The following AIG1 variants were observed in gnomAD, a reference collection of about 807,000 sequenced individuals.
AIG1 encodes the protein androgen induced 1, also known as androgen-induced gene 1 protein.
A neutral mutation model predicts 31.4 loss-of-function variants in AIG1; 23 were observed. The ratio of observed to expected loss-of-function variants is 0.73; its 90% CI spans 0.53 to 1.04. The LOEUF is 1.04. Among genes scored for constraint, AIG1 ranks in the 50% least tolerant of loss-of-function variants. The pLI is 0.00. For synonymous variants in AIG1, 100 were observed against 110.5 expected (o/e 0.90, Z 0.60); for missense variants, 274 against 295.0 (o/e 0.93, Z 0.52).
chr6:143,319,755 A>G (rs1319540105), intron 4 of AIG1, among the ~76,000 whole-genome samples: 1 of 152,214 alleles, frequency 6.6e-6, no homozygotes, highest in East Asian at 1.9e-4. Flanking sequence ...AATAAATAAA[A>G]TCAGACATCA....
chr6:143,254,032 C>T (rs891197938), intron 3 of AIG1, among the ~76,000 whole-genome samples: 1 of 152,134 alleles, frequency 6.6e-6, no homozygotes, highest in African/African-American at 2.4e-5. Context: ...TCCCACGGAC[C>T]GTTTCCTCTT....
Position 143,333,213 on chromosome 6 carries a change from A to C in AIG1, c.516-69A>C. On this transcript the variant is annotated intron_variant, in intron 4 of 5. Transcript: ENST00000357847. The surrounding 1 kb of genome is among the most constrained non-coding windows in gnomAD (Gnocchi z 4.6). ...GGAGAGTGAGGGAGTGTATATTTGC[A>C]TCATAGCAGCTTTGATGCCTGCCAT... 6.9e-7 allele frequency: 1 copy of C among 1,449,586 alleles called. No homozygotes were observed. The highest frequency in any genetic ancestry group is 9.2e-7 in the Non-Finnish European group (1 of 1,087,750). 89.8% of individuals were successfully genotyped at this position (1,449,586 alleles called of 1,614,324 possible).
At chr6:143,215,758 G>T (rs992050005) in intron 3 of AIG1, among the ~76,000 whole-genome samples, 3 of 152,126 alleles carry the variant, frequency 2.0e-5, no homozygotes, top group African/African-American at 7.2e-5. Flanking sequence ...TATTAATCCT[G>T]TAGTCCCAGC....
intron 3 of AIG1, among the ~76,000 whole-genome samples, chr6:143,212,069 A>G (rs935732770): frequency 2.6e-5 from 4 of 152,156 alleles, no homozygotes; most frequent in African/African-American, 9.7e-5. Context: ...TGTGCATTGT[A>G]GAATGTTTAG....
At chr6:143,250,661 G>A (rs1178194722) in intron 3 of AIG1, among the ~76,000 whole-genome samples, 1 of 152,090 alleles carries the variant, frequency 6.6e-6, no homozygotes, top group Admixed American at 6.5e-5. Flanking sequence ...TGACCACAGA[G>A]ACAGAGATTG....
chr6:143,084,605 T>G (rs932459898), intron 1 of AIG1, among the ~76,000 whole-genome samples: 3 of 152,202 alleles, frequency 2.0e-5, no homozygotes, highest in Non-Finnish European at 2.9e-5. Context: ...AGTTTTTTTC[T>G]AATGTCTGCA....
chr6:143,254,012 T>C (rs1208010979), intron 3 of AIG1, among the ~76,000 whole-genome samples: 1 of 152,236 alleles, frequency 6.6e-6, no homozygotes, highest in Non-Finnish European at 1.5e-5. Flanking sequence ...GGGAGTGCTT[T>C]GAACTCAGCT....
chr6:143,139,394 AT>A (rs1194062290), intron 2 of AIG1, among the ~76,000 whole-genome samples: 2 of 150,954 alleles, frequency 1.3e-5, no homozygotes, highest in African/African-American at 4.9e-5. Context: ...GCCAGTCCTC[AT>A]CACTGCGCCA....
At chr6:143,190,041 T>C (rs1789644269) in intron 3 of AIG1, 2 of 533,100 alleles carry the variant, frequency 3.8e-6, no homozygotes, top group Non-Finnish European at 4.8e-6. Context: ...GGAGCCTCTT[T>C]TAAAAGCCCA....
chr6:143,155,530 G>A (rs145864359), intron 2 of AIG1, among the ~76,000 whole-genome samples: 12 of 152,204 alleles, frequency 7.9e-5, no homozygotes, highest in Admixed American at 2.6e-4. Context: ...ACTGGCCGCC[G>A]TGCAGGAATC....
chr6:143,208,108 A>G (rs999039045), intron 3 of AIG1, among the ~76,000 whole-genome samples: 2 of 152,146 alleles, frequency 1.3e-5, no homozygotes, highest in African/African-American at 4.8e-5. Context: ...TGTGAGTAAG[A>G]CTGGCCTCCT....
At chr6:143,262,008 T>A (rs1365039754) in intron 3 of AIG1, among the ~76,000 whole-genome samples, 1 of 152,240 alleles carries the variant, frequency 6.6e-6, no homozygotes, top group African/African-American at 2.4e-5. Context: ...ATCTAACTTA[T>A]CCTGCTGTTG....
At chr6:143,086,139 A>G (rs946427235) in intron 1 of AIG1, among the ~76,000 whole-genome samples, 2 of 152,224 alleles carry the variant, frequency 1.3e-5, no homozygotes, top group Admixed American at 1.3e-4. Context: ...CATTTGGGCC[A>G]TCCATGGCTG....
chr6:143,195,373 A>G (rs762490311), intron 3 of AIG1, among the ~76,000 whole-genome samples: 2 of 152,206 alleles, frequency 1.3e-5, no homozygotes, highest in Admixed American at 1.3e-4. Flanking sequence ...ATAAGAAGCA[A>G]GGCTAAGTTG....
chr6:143,224,088 C>A (rs1792747123), intron 3 of AIG1, among the ~76,000 whole-genome samples: 4 of 152,118 alleles, frequency 2.6e-5, no homozygotes, highest in Admixed American at 2.6e-4. Flanking sequence ...CAGTCTCGTG[C>A]TTGGTGATGT....
At chr6:143,127,281 C>G (rs535277703) in intron 1 of AIG1, among the ~76,000 whole-genome samples, 30 of 152,306 alleles carry the variant, frequency 2.0e-4, no homozygotes, top group African/African-American at 7.0e-4. Flanking sequence ...GTTCTCTCCA[C>G]AGTTTTCCTT....
intron 3 of AIG1, among the ~76,000 whole-genome samples, chr6:143,263,615 A>T (rs964247663): frequency 9.2e-5 from 14 of 152,246 alleles, no homozygotes; most frequent in Admixed American, 8.5e-4. Context: ...CAGACAAAGG[A>T]ATCGGTGTTA....
chr6:143,278,626 G>A (rs113468207), intron 3 of AIG1, among the ~76,000 whole-genome samples: 1 of 151,834 alleles, frequency 6.6e-6, no homozygotes, highest in African/African-American at 2.4e-5. Flanking sequence ...CTGCCACCAA[G>A]CCTGGCTAAT....
chr6:143,241,508 C>G (rs1794239648), intron 3 of AIG1, among the ~76,000 whole-genome samples: 1 of 151,960 alleles, frequency 6.6e-6, no homozygotes, highest in South Asian at 2.1e-4. Context: ...TTCCATGCCG[C>G]TCTACTGTTA....
Sources: allele counts gnomAD v4.1 joint callset (sites outside exome capture counted in the v4.1 genomes callset), GRCh38; gene constraint gnomAD v4.1.1; non-coding constraint Gnocchi (gnomAD v3.1); transcripts MANE v1.5; gene names NCBI Gene and HGNC (gene_info 2026-07-23, HGNC 2026-07-21).